DENND5B: variants seen among roughly 807,000 people sequenced by gnomAD.
The protein encoded by DENND5B is DENN domain-containing protein 5B.
DENND5B carries 34 observed loss-of-function variants against 140.6 expected under a neutral mutation model. The ratio of observed to expected loss-of-function variants is 0.24; its 90% CI spans 0.18 to 0.32. DENND5B has a LOEUF of 0.32. Among genes scored for constraint, DENND5B ranks in the 10% least tolerant of loss-of-function variants. DENND5B has a pLI of 1.00. For synonymous variants in DENND5B, 551 were observed against 562.1 expected (o/e 0.98, Z 0.28); for missense variants, 1,142 against 1,560.2 (o/e 0.73, Z 4.52).
intron 2 of DENND5B, among the ~76,000 whole-genome samples, chr12:31,484,819 CAAAACAAAAT>C (rs1334948895): frequency 6.9e-6 from 1 of 145,214 alleles, no homozygotes; most frequent in African/African-American, 2.8e-5. Context: ...CAAAACAAAA[CAAAACAAAAT>C]AAAATAAAAG....
chr12:31,469,747 G>C (rs1945455491), intron 3 of DENND5B, among the ~76,000 whole-genome samples: 1 of 152,094 alleles, frequency 6.6e-6, no homozygotes, highest in Non-Finnish European at 1.5e-5. Context: ...CATTCTCATG[G>C]TTGTGAGTGA....
chr12:31,419,386 T>G (rs1157636638), intron 11 of DENND5B, among the ~76,000 whole-genome samples: 1 of 150,716 alleles, frequency 6.6e-6, no homozygotes, highest in Non-Finnish European at 1.5e-5. Context: ...GAGGTTGCAG[T>G]GGGCCGAAAT....
chr12:31,450,940 C>T (rs1184114645), intron 5 of DENND5B, among the ~76,000 whole-genome samples: 1 of 152,076 alleles, frequency 6.6e-6, no homozygotes, highest in Non-Finnish European at 1.5e-5. Flanking sequence ...GCAGAAGAAT[C>T]CAGTACCCCT....
At chr12:31,421,133 T>C (rs1328662885) in intron 11 of DENND5B, among the ~76,000 whole-genome samples, 1 of 152,186 alleles carries the variant, frequency 6.6e-6, no homozygotes, top group Non-Finnish European at 1.5e-5. Context: ...AACCTCCATC[T>C]TCCAGGTTCA....
At chr12:31,467,047 A>C (rs569800656) in intron 3 of DENND5B, among the ~76,000 whole-genome samples, 152 of 152,240 alleles carry the variant, frequency 1.0e-3, no homozygotes, top group African/African-American at 3.6e-3. Context: ...AGATGATAGA[A>C]TATTATCCTC....
chr12:31,555,538 A>G (rs1216736548), intron 1 of DENND5B, among the ~76,000 whole-genome samples: 1 of 152,174 alleles, frequency 6.6e-6, no homozygotes, highest in South Asian at 2.1e-4. Context: ...CCGTTCTCAG[A>G]TCTCAAGCTG....
intron 1 of DENND5B, 182 bp downstream of exon 1, chr12:31,590,524 C>T (rs1217316370): frequency 1.3e-6 from 1 of 745,088 alleles, no homozygotes; most frequent in Non-Finnish European, 1.9e-6. Context: ...CCGCAAAGCC[C>T]GCACGCGGAA....
At chr12:31,568,555 G>A (rs537580106) in intron 1 of DENND5B, among the ~76,000 whole-genome samples, 49 of 152,328 alleles carry the variant, frequency 3.2e-4, no homozygotes, top group African/African-American at 9.6e-4. Context: ...TGACAGGAGT[G>A]AAGGCTAGAG....
At chr12:31,406,740 A>G (rs1942141829) in intron 14 of DENND5B, among the ~76,000 whole-genome samples, 1 of 152,192 alleles carries the variant, frequency 6.6e-6, no homozygotes, top group Non-Finnish European at 1.5e-5. Flanking sequence ...AAATTGAAAG[A>G]GTTACTCAGA....
At chr12:31,554,159 T>C (rs1483495334) in intron 1 of DENND5B, among the ~76,000 whole-genome samples, 2 of 152,320 alleles carry the variant, frequency 1.3e-5, no homozygotes, top group South Asian at 2.1e-4. Flanking sequence ...TTCCTAGCCT[T>C]GATGGTCTTT....
At position 31,420,521 on chromosome 12, in the gene DENND5B, G is replaced by A. The variant is rs1942971267; in HGVS notation, c.2470+3076C>T. Among the ~76,000 whole-genome samples, 3 of 150,816 alleles carry A rather than the reference G, an allele frequency of 2.0e-5. No homozygotes were observed. The South Asian group carries it at 6.3e-4, about 32-fold the overall frequency. On this transcript the variant is annotated intron_variant, in intron 11 of 20. Transcript: ENST00000389082. The stretch of plus-strand genomic sequence containing the variant: ...TGCAATGGCGTGATCTTGGCTCACT[G>A]CAACCTCTGCCTCCTGGGTTCAAGA...
At chr12:31,492,888 G>A (rs966075244) in intron 2 of DENND5B, among the ~76,000 whole-genome samples, 6 of 152,154 alleles carry the variant, frequency 3.9e-5, no homozygotes, top group African/African-American at 1.4e-4. Context: ...TTAACTTCCA[G>A]CAAAATGGCA....
At chr12:31,547,645 C>T (rs1386943484) in intron 1 of DENND5B, among the ~76,000 whole-genome samples, 1 of 152,036 alleles carries the variant, frequency 6.6e-6, no homozygotes, top group African/African-American at 2.4e-5. Flanking sequence ...ATCCACTCGC[C>T]CCACCTCCCA....
intron 1 of DENND5B, among the ~76,000 whole-genome samples, chr12:31,539,769 TATC>T (rs1481944135): frequency 3.3e-5 from 5 of 151,972 alleles, no homozygotes; most frequent in Non-Finnish European, 7.4e-5. Context: ...TCTCAGCTAG[TATC>T]ATACTGATGA....
chr12:31,532,391 T>C (rs1948317810), intron 1 of DENND5B, among the ~76,000 whole-genome samples: 1 of 152,114 alleles, frequency 6.6e-6, no homozygotes. Context: ...CTTGCTAACA[T>C]ATTTAGGCTC....
intron 2 of DENND5B, among the ~76,000 whole-genome samples, chr12:31,485,770 TG>T (rs1946282634): frequency 1.3e-5 from 2 of 150,166 alleles, no homozygotes; most frequent in Non-Finnish European, 3.0e-5. Context: ...TCTGGTAACC[TG>T]GTAACACACT....
At chr12:31,399,627 T>C in intron 16 of DENND5B, 27 bp downstream of exon 16, 6 of 1,577,502 alleles carry the variant, frequency 3.8e-6, no homozygotes, top group Non-Finnish European at 5.2e-6. Flanking sequence ...AACAAAGAAT[T>C]CTGAGTTCCC....
At chr12:31,586,069 A>T (rs1950384277) in intron 1 of DENND5B, among the ~76,000 whole-genome samples, 1 of 152,224 alleles carries the variant, frequency 6.6e-6, no homozygotes. Context: ...ATTTTACTTA[A>T]TCAAGGCCTT....
chr12:31,587,653 T>G (rs1337446337), intron 1 of DENND5B, among the ~76,000 whole-genome samples: 1 of 144,104 alleles, frequency 6.9e-6, no homozygotes, highest in Non-Finnish European at 1.5e-5. Flanking sequence ...GTTCAAGCGA[T>G]TCTCCTGCCT....
Sources: allele counts gnomAD v4.1 joint callset (sites outside exome capture counted in the v4.1 genomes callset), GRCh38; gene constraint gnomAD v4.1.1; transcripts MANE v1.5; gene names NCBI Gene and HGNC (gene_info 2026-07-23, HGNC 2026-07-21).